The following STAT3 variants were observed in gnomAD, a reference collection of about 807,000 sequenced individuals.
STAT3 encodes the protein signal transducer and activator of transcription 3.
A neutral mutation model predicts 114.3 loss-of-function variants in STAT3; 7 were observed. The ratio of observed to expected loss-of-function variants is 0.06; its 90% CI spans 0.03 to 0.11. STAT3 has a LOEUF of 0.11. STAT3 is among the 10% of genes least tolerant of loss of function. The probability of loss-of-function intolerance (pLI) is 1.00; values close to 1 mark genes in which losing one functional copy is unlikely to be tolerated. For missense variants in STAT3, 364 were observed against 960.9 expected (o/e 0.38, Z 8.21); for synonymous variants, 331 against 354.5 (o/e 0.93, Z 0.74).
chr17:42,380,167 G>A (rs902826617), intron 1 of STAT3, among the ~76,000 whole-genome samples: 1 of 151,852 alleles, frequency 6.6e-6, no homozygotes, highest in African/African-American at 2.4e-5. Context: ...CTCCCGGGTA[G>A]CTGGGACTAC....
At chr17:42,385,490 T>C (rs946305405) in intron 1 of STAT3, among the ~76,000 whole-genome samples, 3 of 141,264 alleles carry the variant, frequency 2.1e-5, no homozygotes, top group South Asian at 2.2e-4. Flanking sequence ...GCCTGGGTGA[T>C]AGAGTGCAAC....
chr17:42,372,178 ATACTCT>A (rs1351813341), intron 1 of STAT3, among the ~76,000 whole-genome samples: 1 of 152,188 alleles, frequency 6.6e-6, no homozygotes, highest in Non-Finnish European at 1.5e-5. Flanking sequence ...AAAACTAAAC[ATACTCT>A]TACCATATGA....
At chr17:42,319,601 T>C (rs1466722008) in intron 21 of STAT3, among the ~76,000 whole-genome samples, 1 of 150,000 alleles carries the variant, frequency 6.7e-6, no homozygotes, top group African/African-American at 2.4e-5. Context: ...TGTGGCTTTG[T>C]ACAAGATTGT....
chr17:42,358,933 C>CTTTTTTTTTTTTTTTTTTTTTTTTT (rs35099574), intron 1 of STAT3, among the ~76,000 whole-genome samples: 30 of 100,450 alleles, frequency 3.0e-4, no homozygotes, highest in Non-Finnish European at 4.1e-4. Flanking sequence ...ACATTTCTTA[C>CTTTTTTTTTTTTTTTTTTTTTTTTT]TTTTTTTTTT....
intron 10 of STAT3, among the ~76,000 whole-genome samples, chr17:42,332,537 CA>C (rs759010924): frequency 6.2e-3 from 252 of 40,792 alleles, no homozygotes; most frequent in Middle Eastern, 0.014. Flanking sequence ...GACTCCATCT[CA>C]AAAAAAAAAA....
intron 1 of STAT3, among the ~76,000 whole-genome samples, chr17:42,362,200 A>G (rs1266790434): frequency 6.6e-6 from 1 of 152,224 alleles, no homozygotes; most frequent in African/African-American, 2.4e-5. Context: ...TTCCCTCAAG[A>G]CATTACAGCC....
intron 21 of STAT3, among the ~76,000 whole-genome samples, chr17:42,321,439 A>G (rs1217926047): frequency 6.6e-6 from 1 of 152,114 alleles, no homozygotes; most frequent in Non-Finnish European, 1.5e-5. Context: ...TAATTTATAT[A>G]TAACATATAA....
Position 42,313,894 on chromosome 17 carries a change from A to G in STAT3, c.*1851T>C, listed in dbSNP as rs1598374917. 4.3e-6 allele frequency: 1 copy of G among 232,492 alleles called. No individual in the cohort carries two copies. Among genetic ancestry groups the G allele is most frequent in the Middle Eastern group, 1.3e-3 (1 of 780 alleles). The allele number at this position is 232,492 out of a possible 1,614,324, so 14.4% of individuals were successfully genotyped here. On this transcript the variant is annotated 3_prime_UTR_variant, in exon 24 of 24. Coordinates refer to ENST00000264657, the MANE Select transcript of STAT3 (RefSeq NM_139276.3). Reference sequence around the variant, plus strand: ...GACTGGGGCGAACCCTGTTCATCTTAGAGAAGGTCGTCTCCCCCTTAATTC... The same window carrying G: ...GACTGGGGCGAACCCTGTTCATCTTGGAGAAGGTCGTCTCCCCCTTAATTC...
chr17:42,364,123 C>T (rs1198807362), intron 1 of STAT3, among the ~76,000 whole-genome samples: 2 of 152,080 alleles, frequency 1.3e-5, no homozygotes, highest in Non-Finnish European at 2.9e-5. Context: ...CACACATAAC[C>T]ACCACCTCCC....
chr17:42,348,427 C>T lies in STAT3; in HGVS notation c.90G>A (p.Leu30=). 3 of 1,614,134 alleles carry T rather than the reference C, an allele frequency of 1.9e-6. No individual in the cohort carries two copies. The highest frequency in any genetic ancestry group is 1.7e-6 in the Non-Finnish European group (2 of 1,180,034). ...CAATCCAAGGGGCCAGAAACTGCCGCAGCTCCATTGGGAAGCTGTCACTGT... is the reference window on the plus strand; with the variant it reads ...CAATCCAAGGGGCCAGAAACTGCCGTAGCTCCATTGGGAAGCTGTCACTGT... ...QLYSDSFPME[L]RQFLAPWIES... The change falls in exon 2 of 24, where the codon CTG becomes CTA. Residue 30 remains leucine, a synonymous_variant. Transcript: ENST00000264657.
intron 1 of STAT3, among the ~76,000 whole-genome samples, chr17:42,370,460 G>A (rs2084053094): frequency 1.3e-5 from 2 of 151,660 alleles, no homozygotes; most frequent in Non-Finnish European, 2.9e-5. Context: ...TGGCCAGGCT[G>A]GTCTCGAATT....
chr17:42,325,384 T>C (rs1477174032), intron 15 of STAT3, among the ~76,000 whole-genome samples: 1 of 152,186 alleles, frequency 6.6e-6, no homozygotes, highest in East Asian at 1.9e-4. Flanking sequence ...TGAAGCTGTA[T>C]CTTCACATGA....
intron 1 of STAT3, among the ~76,000 whole-genome samples, chr17:42,367,431 C>T (rs2083866150): frequency 6.6e-6 from 1 of 152,064 alleles, no homozygotes; most frequent in South Asian, 2.1e-4. Flanking sequence ...GCCCACCAGT[C>T]AATCCATTTT....
chr17:42,354,284 C>T (rs2083117175), intron 1 of STAT3, among the ~76,000 whole-genome samples: 1 of 150,096 alleles, frequency 6.7e-6, no homozygotes, highest in Admixed American at 6.6e-5. Flanking sequence ...ATTCTCCTGC[C>T]TCAGCCTCCC....
At chr17:42,334,715 C>G (rs7216201) in intron 8 of STAT3, among the ~76,000 whole-genome samples, 11,165 of 152,100 alleles carry the variant, frequency 0.073, 1,382 homozygotes, top group African/African-American at 0.25. Context: ...GAAGTACTGG[C>G]ATTACAGGTG....
intron 6 of STAT3, among the ~76,000 whole-genome samples, 170 bp downstream of exon 6, chr17:42,338,561 G>GGACCTGAGGGAATACTCCTT (rs1567722700): frequency 4.8e-5 from 7 of 146,954 alleles, no homozygotes; most frequent in African/African-American, 1.6e-4. Context: ...GAATACTCCT[G>GGACCTGAGGGAATACTCCTT]GACCTGAGGG....
At chr17:42,370,096 A>G (rs1397850451) in intron 1 of STAT3, among the ~76,000 whole-genome samples, 1 of 151,214 alleles carries the variant, frequency 6.6e-6, no homozygotes, top group Non-Finnish European at 1.5e-5. Context: ...TCGCCTCCCG[A>G]GTAGCTGGGA....
At chr17:42,388,016 G>A (rs550284904) in intron 1 of STAT3, 12 of 381,646 alleles carry the variant, frequency 3.1e-5, no homozygotes, top group Non-Finnish European at 4.1e-5. Flanking sequence ...AACCGAGTGC[G>A]CCCTCGCCCC....
intron 1 of STAT3, among the ~76,000 whole-genome samples, chr17:42,375,477 C>A (rs2084396859): frequency 6.6e-6 from 1 of 152,144 alleles, no homozygotes; most frequent in African/African-American, 2.4e-5. Context: ...TTAGACCAAC[C>A]TTTCTCAAAC....
Sources: allele counts gnomAD v4.1 joint callset (sites outside exome capture counted in the v4.1 genomes callset), GRCh38; gene constraint gnomAD v4.1.1; transcripts MANE v1.5; gene names NCBI Gene and HGNC (gene_info 2026-07-23, HGNC 2026-07-21).